The following FGF14 variants were observed in gnomAD, a reference collection of about 807,000 sequenced individuals.
The protein encoded by FGF14 is fibroblast growth factor 14, also known as fibroblast growth factor homologous factor 4.
In FGF14, 5 loss-of-function variants were observed where a neutral mutation model predicts 25.5. That is an observed-to-expected ratio of 0.20 (90% CI 0.10 to 0.41). FGF14 has a LOEUF of 0.41. Among genes scored for constraint, FGF14 ranks in the 10% least tolerant of loss-of-function variants. FGF14 has a pLI of 1.00. For missense variants in FGF14, 222 were observed against 320.1 expected (o/e 0.69, Z 2.34); for synonymous variants, 138 against 118.3 (o/e 1.17, Z -1.08).
intron 1 of FGF14, among the ~76,000 whole-genome samples, chr13:102,204,459 AGAGT>A (rs1473471281): frequency 6.6e-6 from 1 of 152,238 alleles, no homozygotes; most frequent in Non-Finnish European, 1.5e-5. Flanking sequence ...ACAGCAGGGC[AGAGT>A]GAGTTGGGCA....
At chr13:101,825,495 T>G (rs910578039) in intron 3 of FGF14, among the ~76,000 whole-genome samples, 2 of 152,178 alleles carry the variant, frequency 1.3e-5, no homozygotes, top group African/African-American at 4.8e-5. Flanking sequence ...CTCTACATTT[T>G]CAATCTTTGC....
chr13:102,001,652 C>A (rs2039501520), intron 1 of FGF14, among the ~76,000 whole-genome samples: 1 of 152,128 alleles, frequency 6.6e-6, no homozygotes, highest in Admixed American at 6.5e-5. Context: ...TAGTACCTTG[C>A]AGGGACATAA....
chr13:101,994,317 GTCA>G (rs2039066698), intron 1 of FGF14, among the ~76,000 whole-genome samples: 2 of 151,914 alleles, frequency 1.3e-5, no homozygotes, highest in African/African-American at 2.4e-5. Context: ...ATTAATTAAT[GTCA>G]GTATATACCT....
chr13:102,123,706 A>G (rs756177193), intron 1 of FGF14, among the ~76,000 whole-genome samples: 1 of 152,162 alleles, frequency 6.6e-6, no homozygotes, highest in African/African-American at 2.4e-5. Context: ...TATCACTAGT[A>G]GCTTTAAAAT....
chr13:102,112,620 C>G (rs1176939179), intron 1 of FGF14, among the ~76,000 whole-genome samples: 1 of 152,138 alleles, frequency 6.6e-6, no homozygotes, highest in East Asian at 1.9e-4. Context: ...AAAACCACAG[C>G]TCAAATTATC....
intron 1 of FGF14, among the ~76,000 whole-genome samples, chr13:102,101,376 A>G (rs1235923741): frequency 6.6e-6 from 1 of 152,220 alleles, no homozygotes; most frequent in Non-Finnish European, 1.5e-5. Flanking sequence ...TCAACAGAAT[A>G]TGATATAGTA....
intron 1 of FGF14, among the ~76,000 whole-genome samples, chr13:102,152,315 G>C (rs945327671): frequency 7.2e-5 from 11 of 152,168 alleles, no homozygotes; most frequent in African/African-American, 2.7e-4. Context: ...CACAGATTGG[G>C]TTGCTTAAAG....
At chr13:102,256,523 A>C (rs997541298) in intron 1 of FGF14, among the ~76,000 whole-genome samples, 2 of 152,070 alleles carry the variant, frequency 1.3e-5, no homozygotes, top group Admixed American at 6.5e-5. Flanking sequence ...AAAAGTAGCT[A>C]ATGTACAAGT....
At chr13:101,872,439 T>C (rs1470009096) in intron 2 of FGF14, among the ~76,000 whole-genome samples, 2 of 151,898 alleles carry the variant, frequency 1.3e-5, no homozygotes, top group Non-Finnish European at 2.9e-5. Context: ...AGAGCTGTAC[T>C]CTAAGTAGGA....
chr13:102,217,316 G>GCA (rs2050416136), intron 1 of FGF14, among the ~76,000 whole-genome samples: 2 of 152,186 alleles, frequency 1.3e-5, no homozygotes, highest in African/African-American at 4.8e-5. Flanking sequence ...TAAACTACAT[G>GCA]CACACACAGT....
chr13:102,285,482 T>A (rs1183796595), intron 1 of FGF14, among the ~76,000 whole-genome samples: 3 of 152,208 alleles, frequency 2.0e-5, no homozygotes, highest in African/African-American at 7.2e-5. Flanking sequence ...TTCAATAACC[T>A]GGAAGGTTAC....
intron 1 of FGF14, among the ~76,000 whole-genome samples, chr13:102,316,435 T>C (rs890075728): frequency 2.0e-5 from 3 of 152,204 alleles, no homozygotes; most frequent in Admixed American, 6.5e-5. Flanking sequence ...CTGTACCCCA[T>C]ACATATATAC....
chr13:102,273,110 T>G lies in FGF14; in HGVS notation c.208+128361A>C, dbSNP rs941907867. 7.2e-5 allele frequency among the ~76,000 whole-genome samples: 11 copies of G among 152,276 alleles called. 1 individual carries two copies. Among genetic ancestry groups the G allele is most frequent in the African/African-American group, 2.4e-4 (10 of 41,556 alleles). ...AAAAAGGCAAAGACTTTTCCTCTAGTTGAAGGGAATATAAGGGACATCACT... is the reference window on the plus strand; with the variant it reads ...AAAAAGGCAAAGACTTTTCCTCTAGGTGAAGGGAATATAAGGGACATCACT... On this transcript the variant is annotated intron_variant, in intron 1 of 4. Coordinates refer to the FGF14 transcript ENST00000376131.
chr13:102,370,460 G>A (rs1287909208), intron 1 of FGF14, among the ~76,000 whole-genome samples: 2 of 151,662 alleles, frequency 1.3e-5, no homozygotes, highest in African/African-American at 4.8e-5. Context: ...TTATGAGATG[G>A]GGTCTCACTA....
At chr13:102,084,127 G>A (rs1355801902) in intron 1 of FGF14, among the ~76,000 whole-genome samples, 2 of 151,948 alleles carry the variant, frequency 1.3e-5, no homozygotes, top group Non-Finnish European at 2.9e-5. Flanking sequence ...AGAAGGTGAA[G>A]TCCCTCATAA....
chr13:102,006,866 T>C (rs1258450704), intron 1 of FGF14, among the ~76,000 whole-genome samples: 1 of 146,436 alleles, frequency 6.8e-6, no homozygotes, highest in Non-Finnish European at 1.5e-5. Context: ...TGCCTCAGCC[T>C]CCCGAGTAGC....
intron 1 of FGF14, among the ~76,000 whole-genome samples, chr13:102,342,925 A>T (rs2056995572): frequency 6.6e-6 from 1 of 152,168 alleles, no homozygotes; most frequent in African/African-American, 2.4e-5. Context: ...TTTGAGTAAG[A>T]ACTGAAATTA....
At chr13:101,868,697 T>A in intron 3 of FGF14, 28 bp downstream of exon 3, 1 of 1,339,526 alleles carries the variant, frequency 7.5e-7, no homozygotes, top group African/African-American at 1.4e-5. Context: ...ATTGAACGAA[T>A]GGCCGAGATC....
chr13:101,987,262 C>A (rs1447946545), intron 1 of FGF14, among the ~76,000 whole-genome samples: 1 of 152,108 alleles, frequency 6.6e-6, no homozygotes, highest in Non-Finnish European at 1.5e-5. Flanking sequence ...ACAGCTACTG[C>A]GCCCTGCTCT....
Sources: gnomAD v4.1 joint callset for allele counts (sites outside exome capture counted in the v4.1 genomes callset) on GRCh38, gnomAD v4.1.1 for gene constraint, MANE v1.5 for transcripts, NCBI Gene and HGNC (gene_info 2026-07-23, HGNC 2026-07-21) for gene names.